Variants in MSN observed in about 807,000 individuals in gnomAD.
MSN encodes the protein epididymis luminal protein 70.
In MSN, 2 loss-of-function variants were observed where a neutral mutation model predicts 48.0. The observed-to-expected ratio is 0.04, with a 90% CI of 0.02 to 0.13. The LOEUF is 0.13. Ranked by LOEUF, MSN falls within the 10% of genes least tolerant of loss-of-function variation. The probability of loss-of-function intolerance (pLI) is 1.00; values close to 1 mark genes in which losing one functional copy is unlikely to be tolerated. For missense variants in MSN, 267 were observed against 470.1 expected (o/e 0.57, Z 3.99); for synonymous variants, 146 against 166.9 (o/e 0.87, Z 0.97).
intron 2 of MSN, among the ~76,000 whole-genome samples, chrX:65,719,381 C>A (rs1348722319): frequency 8.9e-6 from 1 of 112,238 alleles, no homozygotes; most frequent in African/African-American, 3.2e-5. Context: ...CATTCCATCT[C>A]TCTTTCTCTC....
Position 65,731,869 on chromosome X carries a change from G to T in MSN, c.583G>T (p.Ala195Ser). The T allele has an allele frequency of 1.7e-6, 2 of 1,210,179 alleles. No individual in the cohort carries two copies. Among genetic ancestry groups the T allele is most frequent in the African/African-American group, 3.5e-5 (2 of 57,590 alleles). Residue 195 changes from alanine (A) to serine (S), a missense_variant, in exon 6 of 13, where the codon GCT (alanine) becomes TCT (serine). Ala to Ser is a moderately conservative substitution (Grantham distance 99). Transcript: ENST00000360270. ...TGCTGTCCTGGAATATCTGAAGATT[G>T]CTCAAGATCTGGAGATGTATGGTGT... is the stretch of plus-strand genomic sequence containing the variant. ...EDAVLEYLKI[A>S]QDLEMYGVNY...
intron 1 of MSN, among the ~76,000 whole-genome samples, chrX:65,670,907 T>C (rs2070929502): frequency 1.8e-4 from 2 of 11,311 alleles, no homozygotes; most frequent in Admixed American, 8.4e-4. Context: ...TATATATATA[T>C]ATATATATAT....
At chrX:65,619,325 C>T (rs2070410152) in intron 1 of MSN, among the ~76,000 whole-genome samples, 1 of 100,471 alleles carries the variant, frequency 1.0e-5, no homozygotes, top group South Asian at 3.9e-4. Flanking sequence ...TTCCATTCTC[C>T]ACATCACTTT....
chrX:65,688,277 T>C (rs2071136444), intron 1 of MSN, among the ~76,000 whole-genome samples: 1 of 112,298 alleles, frequency 8.9e-6, no homozygotes, highest in Admixed American at 9.5e-5. Context: ...AGGGTTTCAC[T>C]GTGTTGGCCA....
rs2071473207 is a variant in MSN at position 65,716,983 on chromosome X, T to C, written c.96+82T>C. 11 of 860,775 alleles carry C rather than the reference T, an allele frequency of 1.3e-5. No individual in the cohort carries two copies. In the Admixed American group the frequency reaches 2.6e-4, roughly 21 times the overall value. 70.9% of individuals were successfully genotyped at this position (860,775 alleles called of 1,213,427 possible). A position where few individuals can be genotyped will look rare whatever the true frequency, so the allele number is the denominator to read the frequency against. ...CCAACAATCCATGACTTTTGCCTCT[T>C]GTCAAAGAATCTCTCTTCCTGTTCA... On this transcript the variant is annotated intron_variant, in intron 2 of 12. Coordinates refer to ENST00000360270, the MANE Select transcript of MSN (RefSeq NM_002444.3).
At chrX:65,709,731 A>G (rs893278058) in intron 1 of MSN, among the ~76,000 whole-genome samples, 38 of 112,889 alleles carry the variant, frequency 3.4e-4, no homozygotes, top group African/African-American at 1.2e-3. Context: ...ATGACCTACA[A>G]TTGACATGAT....
chrX:65,670,091 G>A (rs188505926), intron 1 of MSN, among the ~76,000 whole-genome samples: 31 of 111,913 alleles, frequency 2.8e-4, no homozygotes, highest in African/African-American at 9.1e-4. Flanking sequence ...AGTGGCCAAG[G>A]TTGACATTTG....
Position 65,689,349 on chromosome X carries a change from C to G in MSN, c.12+21496C>G, listed in dbSNP as rs573997050. Among the ~76,000 whole-genome samples, 8 of 111,842 alleles carry G rather than the reference C, an allele frequency of 7.2e-5. No homozygotes were observed. In the East Asian group the frequency reaches 1.7e-3, roughly 24 times the overall value. On this transcript the variant is annotated intron_variant, in intron 1 of 12. Coordinates refer to ENST00000360270, the MANE Select transcript of MSN (RefSeq NM_002444.3). ...GTGCGGAACTGAGCCAAATGGACAACTCTACCAGCTCCAAAAAGTTGGAAG... is the reference window on the plus strand; with the variant it reads ...GTGCGGAACTGAGCCAAATGGACAAGTCTACCAGCTCCAAAAAGTTGGAAG...
chrX:65,634,940 G>C (rs2070587712), intron 1 of MSN, among the ~76,000 whole-genome samples: 1 of 111,598 alleles, frequency 9.0e-6, no homozygotes, highest in African/African-American at 3.2e-5. Flanking sequence ...ACCACTCCCA[G>C]GGCTCAGCCC....
At chrX:65,609,522 G>A (rs190364056) in intron 1 of MSN, among the ~76,000 whole-genome samples, 1 of 111,343 alleles carries the variant, frequency 9.0e-6, no homozygotes, top group Non-Finnish European at 1.9e-5. Flanking sequence ...CCAAGCCAGG[G>A]CTCAGCAAGT....
At chrX:65,678,624 A>G (rs2071025276) in intron 1 of MSN, among the ~76,000 whole-genome samples, 1 of 111,196 alleles carries the variant, frequency 9.0e-6, no homozygotes, top group Admixed American at 9.6e-5. Flanking sequence ...GCTGAGTCTA[A>G]GTTCCCTCTA....
At chrX:65,664,408 A>G (rs1460444604), upstream of MSN, among the ~76,000 whole-genome samples, 2 of 112,019 alleles carry the variant, frequency 1.8e-5, no homozygotes, top group African/African-American at 3.2e-5. Flanking sequence ...TGTAACAAAC[A>G]TGCACATGTA....
chrX:65,651,978 T>A (rs997839672), intron 1 of MSN, among the ~76,000 whole-genome samples: 1 of 106,081 alleles, frequency 9.4e-6, no homozygotes, highest in Non-Finnish European at 1.9e-5. Flanking sequence ...AGGCCAGGCA[T>A]GGTGGCTCAC....
intron 1 of MSN, among the ~76,000 whole-genome samples, chrX:65,710,724 T>C (rs943582798): frequency 7.2e-5 from 8 of 111,616 alleles, no homozygotes; most frequent in Non-Finnish European, 1.5e-4. Flanking sequence ...ATGTACTTTT[T>C]TTTTTAGATG....
At chrX:65,602,387 G>C (rs974222524) in intron 1 of MSN, among the ~76,000 whole-genome samples, 6 of 111,864 alleles carry the variant, frequency 5.4e-5, no homozygotes, top group African/African-American at 2.0e-4. Flanking sequence ...CCAGCTGTAT[G>C]CAACAGTCTT....
intron 1 of MSN, among the ~76,000 whole-genome samples, chrX:65,708,640 CT>C (rs2071385592): frequency 1.8e-5 from 2 of 110,669 alleles, no homozygotes; most frequent in South Asian, 3.8e-4. Flanking sequence ...ACATAATGTC[CT>C]TCAGGCTCAT....
chrX:65,622,186 C>T (rs1458774230), intron 1 of MSN, among the ~76,000 whole-genome samples: 37 of 107,293 alleles, frequency 3.4e-4, no homozygotes, highest in African/African-American at 1.1e-3. Flanking sequence ...CCTCTGCCTC[C>T]TGGGTTCAAA....
chrX:65,616,083 G>C (rs1181402672), intron 1 of MSN, among the ~76,000 whole-genome samples: 8 of 111,472 alleles, frequency 7.2e-5, no homozygotes, highest in Non-Finnish European at 1.5e-4. Context: ...TTTGGTACCA[G>C]TACCATGCTG....
At chrX:65,646,717 G>A (rs1022564657) in intron 1 of MSN, among the ~76,000 whole-genome samples, 1 of 111,927 alleles carries the variant, frequency 8.9e-6, no homozygotes. Context: ...AGGCCAAGGC[G>A]GGCTGATCAC....
Sources: gnomAD v4.1 joint callset for allele counts (sites outside exome capture counted in the v4.1 genomes callset) on GRCh38, gnomAD v4.1.1 for gene constraint, MANE v1.5 for transcripts, NCBI Gene and HGNC (gene_info 2026-07-23, HGNC 2026-07-21) for gene names.